NXN: variants seen among roughly 807,000 people sequenced by gnomAD.
The protein encoded by NXN is nucleoredoxin 1.
NXN carries 16 observed loss-of-function variants against 48.6 expected under a neutral mutation model. The observed-to-expected ratio is 0.33, with a 90% CI of 0.22 to 0.50. NXN has a LOEUF of 0.50. Ranked by LOEUF, NXN falls within the 20% of genes least tolerant of loss-of-function variation. The pLI, the probability that NXN is intolerant of heterozygous loss-of-function variation, is 0.98. For synonymous variants in NXN, 281 were observed against 269.6 expected, an observed-to-expected ratio of 1.04 and a Z score of -0.41; for missense variants, 492 against 605.5, an observed-to-expected ratio of 0.81 and a Z score of 1.97.
chr17:860,681 G>A (rs145415690), intron 1 of NXN, among the ~76,000 whole-genome samples: 2,364 of 151,174 alleles, frequency 0.016, 23 homozygotes, highest in Non-Finnish European at 0.026. Flanking sequence ...GGCGTGAGCC[G>A]CCGCGCCCGG....
In NXN at chr17:957,125, G is replaced by A. The variant is rs370774651; in HGVS notation, c.360+22194C>T. ...ACATGTGACCAGCAGGGGCCTGGCGGAGCTGAGACAAGGCAACAACGTGCA... is the reference window on the plus strand; with the variant it reads ...ACATGTGACCAGCAGGGGCCTGGCGAAGCTGAGACAAGGCAACAACGTGCA... On this transcript the variant is annotated intron_variant, in intron 1 of 7. Coordinates refer to ENST00000336868, the MANE Select transcript of NXN (RefSeq NM_022463.5). Among the ~76,000 whole-genome samples the A allele has an allele frequency of 9.8e-5, 14 of 143,430 alleles. 1 individual carries two copies. Among genetic ancestry groups the A allele is most frequent in the African/African-American group, 3.6e-4 (14 of 38,492 alleles). The allele number at this position is 143,430 out of a possible 152,430, so 94.1% of individuals were successfully genotyped here.
chr17:881,964 C>T (rs1271916822), intron 1 of NXN, among the ~76,000 whole-genome samples: 1 of 152,106 alleles, frequency 6.6e-6, no homozygotes, highest in Non-Finnish European at 1.5e-5. Flanking sequence ...ACCAGAGAGG[C>T]TCAGCAGGGG....
chr17:951,600 T>A (rs954599821), intron 1 of NXN, among the ~76,000 whole-genome samples: 25 of 151,708 alleles, frequency 1.6e-4, no homozygotes, highest in Non-Finnish European at 3.2e-4. Flanking sequence ...GTCTGTCAGC[T>A]GTGTGGAGAC....
At chr17:888,886 T>C (rs1306875555) in intron 1 of NXN, among the ~76,000 whole-genome samples, 2 of 141,034 alleles carry the variant, frequency 1.4e-5, no homozygotes, top group East Asian at 4.1e-4. Flanking sequence ...ACCCAGGAGG[T>C]GGAGGTTGCT....
At chr17:921,959 C>CAACCTGCTTCTCCCTCT (rs2068754304) in intron 1 of NXN, among the ~76,000 whole-genome samples, 1 of 152,240 alleles carries the variant, frequency 6.6e-6, no homozygotes, top group African/African-American at 2.4e-5. Context: ...CGCCTTCCTC[C>CAACCTGCTTCTCCCTCT]AACCTGCTTC....
chr17:971,786 A>G lies in NXN; in HGVS notation c.360+7533T>C, dbSNP rs879321265. On this transcript the variant is annotated intron_variant, in intron 1 of 7. Coordinates refer to ENST00000336868, the MANE Select transcript of NXN (RefSeq NM_022463.5). ...TTTCCTTGATTGTCTTGGAATACGC[A>G]TAAACGGTAAATTCAATGCAACACA... Among the ~76,000 whole-genome samples, 25 of 152,226 alleles carry G rather than the reference A, an allele frequency of 1.6e-4. 1 individual carries two copies. Among genetic ancestry groups the G allele is most frequent in the Non-Finnish European group, 3.5e-4 (24 of 68,038 alleles).
In NXN at chr17:979,765, G is replaced by T; in HGVS notation, c.-87C>A. The T allele has an allele frequency of 8.9e-7, 1 of 1,125,432 alleles. No homozygotes were observed. Among genetic ancestry groups the T allele is most frequent in the Non-Finnish European group, 1.1e-6 (1 of 888,036 alleles). The allele number at this position is 1,125,432 out of a possible 1,614,324, so 69.7% of individuals were successfully genotyped here. On this transcript the variant is annotated 5_prime_UTR_variant, in exon 1 of 8. Coordinates refer to ENST00000336868, the MANE Select transcript of NXN (RefSeq NM_022463.5). ...GGAGGCGGCGGCGTCGGCGGCAGGC[G>T]CTGGGGAGAGCAGAGCCCGGCCCAG...
intron 1 of NXN, among the ~76,000 whole-genome samples, chr17:834,887 C>T (rs1259506529): frequency 2.0e-5 from 3 of 151,244 alleles, no homozygotes; most frequent in East Asian, 2.0e-4. Flanking sequence ...AACTCCTGAC[C>T]TCACCCTCCC....
intron 1 of NXN, among the ~76,000 whole-genome samples, chr17:853,721 A>ATTT (rs762003466): frequency 1.5e-3 from 160 of 105,130 alleles, no homozygotes; most frequent in African/African-American, 3.8e-3. Context: ...ATATATATAT[A>ATTT]TATTTTTTTT....
intron 1 of NXN, among the ~76,000 whole-genome samples, chr17:892,994 A>C (rs1002273166): frequency 2.0e-5 from 3 of 152,190 alleles, no homozygotes; most frequent in Non-Finnish European, 4.4e-5. Flanking sequence ...GTACCTGTGA[A>C]CTCTGTACTT....
chr17:887,041 G>A (rs984227685), intron 1 of NXN, among the ~76,000 whole-genome samples: 1 of 151,894 alleles, frequency 6.6e-6, no homozygotes, highest in African/African-American at 2.4e-5. Flanking sequence ...CCAAGTAGCT[G>A]GGACTACAAG....
At chr17:874,020 A>G (rs935616657) in intron 1 of NXN, among the ~76,000 whole-genome samples, 1 of 152,078 alleles carries the variant, frequency 6.6e-6, no homozygotes, top group African/African-American at 2.4e-5. Context: ...CTTGAATTCT[A>G]GTCCCCATAA....
chr17:803,034 C>G (rs755114300), intron 7 of NXN, among the ~76,000 whole-genome samples: 1 of 152,154 alleles, frequency 6.6e-6, no homozygotes, highest in East Asian at 1.9e-4. Flanking sequence ...TGTGCTGAGT[C>G]GCGGAGACGC....
At chr17:873,272 G>T (rs1185862209) in intron 1 of NXN, among the ~76,000 whole-genome samples, 1 of 151,924 alleles carries the variant, frequency 6.6e-6, no homozygotes, top group African/African-American at 2.4e-5. Context: ...CGAGGAGGGT[G>T]GATCACTTGA....
At chr17:931,982 A>T (rs1197423275) in intron 1 of NXN, among the ~76,000 whole-genome samples, 1 of 147,516 alleles carries the variant, frequency 6.8e-6, no homozygotes, top group African/African-American at 2.7e-5. Context: ...CATCTCTACT[A>T]AGAATACAAA....
chr17:845,628 T>C (rs1031535149), intron 1 of NXN, among the ~76,000 whole-genome samples: 2 of 152,242 alleles, frequency 1.3e-5, no homozygotes, highest in Non-Finnish European at 2.9e-5. Flanking sequence ...TAAATGGGGA[T>C]GCTGATGATG....
At chr17:869,283 G>A (rs1043471303) in intron 1 of NXN, among the ~76,000 whole-genome samples, 1 of 152,140 alleles carries the variant, frequency 6.6e-6, no homozygotes, top group Non-Finnish European at 1.5e-5. Context: ...CGGCTTAAGA[G>A]GGCCGTCCAG....
chr17:936,702 C>T (rs997857221), intron 1 of NXN, among the ~76,000 whole-genome samples: 2 of 149,930 alleles, frequency 1.3e-5, no homozygotes, highest in African/African-American at 4.9e-5. Flanking sequence ...GAGCTGTCGG[C>T]GGTACCAGTT....
chr17:969,245 G>A (rs537810738), intron 1 of NXN, among the ~76,000 whole-genome samples: 66 of 152,198 alleles, frequency 4.3e-4, no homozygotes, highest in African/African-American at 1.5e-3. Context: ...CTAAGAGGCT[G>A]GTACCATCAT....
Sources: allele counts gnomAD v4.1 joint callset (sites outside exome capture counted in the v4.1 genomes callset), GRCh38; gene constraint gnomAD v4.1.1; transcripts MANE v1.5; gene names NCBI Gene and HGNC (gene_info 2026-07-23, HGNC 2026-07-21).